The following LRMDA variants were observed in gnomAD, a reference collection of about 807,000 sequenced individuals.
The protein encoded by LRMDA is leucine-rich melanocyte differentiation-associated protein.
In LRMDA, 18 loss-of-function variants were observed where a neutral mutation model predicts 29.8. That is an observed-to-expected ratio of 0.60 (90% confidence interval 0.42 to 0.90). LRMDA has a LOEUF of 0.90. LRMDA is among the 40% of genes least tolerant of loss of function. The pLI is 0.00. For synonymous variants in LRMDA, 125 were observed against 109.4 expected, an observed-to-expected ratio of 1.14 and a Z score of -0.89; for missense variants, 273 against 273.9, an observed-to-expected ratio of 1.00 and a Z score of 0.02.
At chr10:75,871,679 T>A (rs1348343556) in intron 2 of LRMDA, among the ~76,000 whole-genome samples, 1 of 152,184 alleles carries the variant, frequency 6.6e-6, no homozygotes, top group African/African-American at 2.4e-5. Context: ...CAGACCAGTC[T>A]TCTAAAAGCT....
chr10:75,557,286 C>A (rs3012055), intron 2 of LRMDA, among the ~76,000 whole-genome samples: 13,668 of 150,074 alleles, frequency 0.091, 822 homozygotes, highest in East Asian at 0.3. Context: ...TGCACTCCAA[C>A]CTGGGAGACA....
rs535712340 is a variant in LRMDA at position 76,554,231 on chromosome 10, G to T, written c.602-2978G>T. Among the ~76,000 whole-genome samples the T allele has an allele frequency of 3.3e-4, 51 of 152,306 alleles. No homozygotes were observed. In the Middle Eastern group the frequency reaches 0.014, roughly 41 times the overall value. On this transcript the variant is annotated intron_variant, in intron 6 of 6. Transcript: ENST00000611255. ...AGCTTTCGTTAGAGCCGCAGGCAGC[G>T]TTAGAATATCCTTGGCATAATATGG...
At chr10:76,314,882 T>C (rs550731965) in intron 5 of LRMDA, among the ~76,000 whole-genome samples, 2 of 152,210 alleles carry the variant, frequency 1.3e-5, no homozygotes, top group Non-Finnish European at 2.9e-5. Flanking sequence ...TATTATTAAA[T>C]AAGTTGATAG....
chr10:75,982,400 A>G (rs1847188558), intron 2 of LRMDA, among the ~76,000 whole-genome samples: 1 of 152,090 alleles, frequency 6.6e-6, no homozygotes, highest in Non-Finnish European at 1.5e-5. Flanking sequence ...TTGCAGGGTA[A>G]TGCCAGTTGG....
intron 2 of LRMDA, among the ~76,000 whole-genome samples, chr10:75,969,310 G>C (rs550032889): frequency 6.6e-6 from 1 of 152,130 alleles, no homozygotes; most frequent in Non-Finnish European, 1.5e-5. Context: ...TTATGTTGTC[G>C]GTCCAGTAAT....
intron 6 of LRMDA, among the ~76,000 whole-genome samples, chr10:76,328,165 G>A (rs978318802): frequency 6.6e-6 from 1 of 152,104 alleles, no homozygotes; most frequent in Non-Finnish European, 1.5e-5. Context: ...TTGTTCCCTC[G>A]TGGCAATCTA....
intron 2 of LRMDA, among the ~76,000 whole-genome samples, chr10:75,609,790 G>T (rs181507640): frequency 1.3e-5 from 2 of 152,262 alleles, no homozygotes; most frequent in Non-Finnish European, 2.9e-5. Flanking sequence ...CCTGTTGTGG[G>T]AGCAGGCATC....
intron 6 of LRMDA, among the ~76,000 whole-genome samples, chr10:76,550,359 T>A (rs1237312825): frequency 1.3e-5 from 2 of 152,160 alleles, no homozygotes; most frequent in Non-Finnish European, 2.9e-5. Flanking sequence ...AGGGTCAGTG[T>A]AGCAGGGTAG....
chr10:76,162,187 T>C (rs11001648), intron 5 of LRMDA, among the ~76,000 whole-genome samples: 30,521 of 152,024 alleles, frequency 0.2, 3,266 homozygotes, highest in Middle Eastern at 0.31. Flanking sequence ...TAAACTGTTG[T>C]GGGAAGGTGC....
intron 2 of LRMDA, among the ~76,000 whole-genome samples, chr10:75,710,613 T>A (rs1393115140): frequency 1.3e-5 from 2 of 152,248 alleles, no homozygotes; most frequent in Non-Finnish European, 2.9e-5. Flanking sequence ...TTCCCCCCGC[T>A]TCCCCTGGTC....
chr10:76,330,927 T>C (rs1440024030), intron 6 of LRMDA, among the ~76,000 whole-genome samples: 2 of 152,190 alleles, frequency 1.3e-5, no homozygotes, highest in Admixed American at 1.3e-4. Context: ...GCTTAATAGC[T>C]TAGCATCAAG....
intron 2 of LRMDA, among the ~76,000 whole-genome samples, chr10:75,821,098 A>G (rs985550006): frequency 6.6e-6 from 1 of 152,198 alleles, no homozygotes; most frequent in Non-Finnish European, 1.5e-5. Flanking sequence ...AGGAAGAACT[A>G]ATACCAATCT....
At chr10:75,808,546 C>T (rs1255135479) in intron 2 of LRMDA, among the ~76,000 whole-genome samples, 1 of 152,052 alleles carries the variant, frequency 6.6e-6, no homozygotes, top group African/African-American at 2.4e-5. Flanking sequence ...AGTCTCACTC[C>T]GTTGCCAGGC....
At chr10:76,241,584 A>G (rs978288720) in intron 5 of LRMDA, among the ~76,000 whole-genome samples, 1 of 152,154 alleles carries the variant, frequency 6.6e-6, no homozygotes, top group Admixed American at 6.5e-5. Context: ...GACTGTATGA[A>G]ATGGGAATAT....
rs936213183 is a variant in LRMDA, at chr10:76,407,983, C to T, written c.601+83498C>T. On this transcript the variant is annotated intron_variant, in intron 6 of 6. Transcript: ENST00000611255. ...AATTATGTCATTTTCTGCCATATTA[C>T]AGATGAGAGAGAACACAGTTTTAAA... Among the ~76,000 whole-genome samples, 14 of 152,282 alleles carry T rather than the reference C, an allele frequency of 9.2e-5. No individual in the cohort carries two copies. In the South Asian group the frequency reaches 1.0e-3, roughly 11 times the overall value.
rs531300480 is a variant in LRMDA at position 76,018,514 on chromosome 10, G to T, written c.132-17494G>T. 1.0e-3 allele frequency among the ~76,000 whole-genome samples: 152 copies of T among 151,620 alleles called. 2 individuals are homozygous for T. The highest frequency in any genetic ancestry group is 3.6e-3 in the African/African-American group (147 of 41,336). The stretch of plus-strand genomic sequence containing the variant: ...GGTAGTTTTGGGTAATTGCAAGGTA[G>T]TTGAGGACATTTAAGGGAATTGTAC... On this transcript the variant is annotated intron_variant, in intron 2 of 6. Transcript: ENST00000611255.
At chr10:75,834,967 C>T (rs1844408519) in intron 2 of LRMDA, among the ~76,000 whole-genome samples, 1 of 152,202 alleles carries the variant, frequency 6.6e-6, no homozygotes, top group South Asian at 2.1e-4. Flanking sequence ...AAAATTCTTC[C>T]AACTTCTACT....
intron 6 of LRMDA, among the ~76,000 whole-genome samples, chr10:76,378,090 G>A (rs1166315835): frequency 3.9e-5 from 6 of 151,928 alleles, no homozygotes; most frequent in Admixed American, 3.9e-4. Flanking sequence ...CTTTTTGTTA[G>A]AGATCTTTTA....
At chr10:75,858,909 G>T (rs1844872550) in intron 2 of LRMDA, among the ~76,000 whole-genome samples, 1 of 152,172 alleles carries the variant, frequency 6.6e-6, no homozygotes, top group Non-Finnish European at 1.5e-5. Flanking sequence ...CTTCTTCTGT[G>T]AATTTATATC....
Sources: gnomAD v4.1 joint callset for allele counts (sites outside exome capture counted in the v4.1 genomes callset) on GRCh38, gnomAD v4.1.1 for gene constraint, MANE v1.5 for transcripts, NCBI Gene and HGNC (gene_info 2026-07-23, HGNC 2026-07-21) for gene names.